DNAH3: variants seen among roughly 807,000 people sequenced by gnomAD.
DNAH3 encodes axonemal beta dynein heavy chain 3.
Under a neutral mutation model 432.5 loss-of-function variants are expected in DNAH3, and 332 were observed. The observed-to-expected ratio is 0.77, with a 90% CI of 0.70 to 0.84. The LOEUF (loss-of-function observed/expected upper bound fraction) is 0.84. Ranked by LOEUF, DNAH3 falls within the 40% of genes least tolerant of loss-of-function variation. The probability of loss-of-function intolerance (pLI) is 0.00; values close to 1 mark genes in which losing one functional copy is unlikely to be tolerated. For synonymous variants in DNAH3, 1,956 were observed against 1,900.2 expected, an observed-to-expected ratio of 1.03 and a Z score of -0.76; for missense variants, 4,861 against 5,114.0, an observed-to-expected ratio of 0.95 and a Z score of 1.51.
chr16:21,040,359 T>G, intron 32 of DNAH3, among the ~76,000 whole-genome samples: 1 of 31,364 alleles, frequency 3.2e-5, no homozygotes, highest in African/African-American at 1.7e-4. Flanking sequence ...GCCAGACAGA[T>G]TTTTTTTTTT....
intron 26 of DNAH3, among the ~76,000 whole-genome samples, chr16:21,059,880 C>T (rs1194542107): frequency 2.6e-5 from 4 of 151,984 alleles, no homozygotes; most frequent in Non-Finnish European, 5.9e-5. Flanking sequence ...TTAAGCCTTA[C>T]GTCATACCTA....
At chr16:21,154,840 C>T (rs1373380040) in intron 1 of DNAH3, among the ~76,000 whole-genome samples, 1 of 152,154 alleles carries the variant, frequency 6.6e-6, no homozygotes, top group Non-Finnish European at 1.5e-5. Flanking sequence ...GTGACTTCCC[C>T]CAGGCCACCT....
rs753347146 is a variant in DNAH3 at position 20,933,499 on chromosome 16, T to TG, written c.12005dup (p.Gln4003ThrfsTer8). The TG allele has an allele frequency of 6.3e-7, 1 of 1,579,176 alleles. No individual in the cohort carries two copies. Among genetic ancestry groups the TG allele is most frequent in the Admixed American group, 1.8e-5 (1 of 55,354 alleles). On this transcript the variant is annotated frameshift_variant, in exon 62 of 62. Coordinates refer to ENST00000261383, the Ensembl canonical transcript of DNAH3. LOFTEE classifies it high-confidence loss of function. ...GGTTATTCTCCATCACTGTTTCTTG[T>TG]GGGGTTACCTGGAAGAATAAAAAGC...
chr16:21,090,919 A>G (rs951353135), intron 18 of DNAH3, among the ~76,000 whole-genome samples: 6 of 152,138 alleles, frequency 3.9e-5, no homozygotes, highest in Non-Finnish European at 7.4e-5. Context: ...TGGGAATCAG[A>G]GGCGGGTGGA....
At chr16:20,962,512 C>T (rs2084872834) in intron 53 of DNAH3, among the ~76,000 whole-genome samples, 1 of 152,194 alleles carries the variant, frequency 6.6e-6, no homozygotes, top group African/African-American at 2.4e-5. Context: ...GGAGAGCCAG[C>T]TCATGCTGAC....
chr16:20,942,203 A>G (rs2083842689), intron 58 of DNAH3, among the ~76,000 whole-genome samples: 1 of 152,194 alleles, frequency 6.6e-6, no homozygotes, highest in Non-Finnish European at 1.5e-5. Flanking sequence ...CCCAGGTGAG[A>G]ATCTCCCACA....
At chr16:20,989,916 G>A (rs1413538112) in intron 44 of DNAH3, among the ~76,000 whole-genome samples, 2 of 152,228 alleles carry the variant, frequency 1.3e-5, no homozygotes, top group Non-Finnish European at 2.9e-5. Context: ...GGGCCGGCAG[G>A]GCCGGCCGGC....
chr16:21,013,362 T>TA (rs950632364), intron 41 of DNAH3, among the ~76,000 whole-genome samples: 69 of 144,238 alleles, frequency 4.8e-4, no homozygotes, highest in South Asian at 1.5e-3. Context: ...TCCCATCTGT[T>TA]AAAAAAAAAA....
rs779171405 is a variant in DNAH3 at position 20,954,850 on chromosome 16, G to A, written c.11034C>T (p.His3678=). The A allele has an allele frequency of 1.8e-5, 29 of 1,613,962 alleles. 1 individual carries two copies. The highest frequency in any genetic ancestry group is 5.5e-5 in the South Asian group (5 of 91,082). ...AGTTTCTTCTCTCTTGAACAACGGCGTGGAAGAAACAAAGGCCAAATAACA... is the reference window on the plus strand; with the variant it reads ...AGTTTCTTCTCTCTTGAACAACGGCATGGAAGAAACAAAGGCCAAATAACA... Residue 3678 remains histidine (H), a synonymous_variant, in exon 55 of 62, where the codon CAC becomes CAT. Transcript: ENST00000261383.
chr16:21,111,958 C>A, intron 13 of DNAH3, 35 bp downstream of exon 13: 1 of 1,578,062 alleles, frequency 6.3e-7, no homozygotes, highest in South Asian at 1.1e-5. Context: ...CAGCACATGT[C>A]ACCAAGGTAT....
At chr16:21,031,918 T>C (rs1236409583) in intron 36 of DNAH3, among the ~76,000 whole-genome samples, 1 of 151,840 alleles carries the variant, frequency 6.6e-6, no homozygotes, top group African/African-American at 2.4e-5. Flanking sequence ...AACCCAGCCA[T>C]TCGCCACTTG....
chr16:21,003,839 CAAA>C (rs1410269242), intron 41 of DNAH3, among the ~76,000 whole-genome samples: 3 of 151,920 alleles, frequency 2.0e-5, no homozygotes, highest in African/African-American at 7.3e-5. Flanking sequence ...ATAAGTTAGT[CAAA>C]ATCCCACATC....
At chr16:21,097,238 T>C in intron 18 of DNAH3, 117 bp downstream of exon 18, 1 of 1,254,420 alleles carries the variant, frequency 8.0e-7, no homozygotes, top group South Asian at 1.3e-5. Flanking sequence ...ATCTGGAGTG[T>C]CAGAATCTGA....
rs534634376 is a variant in DNAH3, at chr16:21,037,251, A to G, written c.4951-403T>C. Among the ~76,000 whole-genome samples the G allele has an allele frequency of 2.0e-5, 3 of 152,276 alleles. No homozygotes were observed. In the South Asian group the frequency reaches 6.2e-4, roughly 32 times the overall value. ...TTGAATCCAGGAGGCAGAGGTTGCA[A>G]TCAGTCGAGATCATGCCACTGCACT... On this transcript the variant is annotated intron_variant, in intron 34 of 61. Coordinates refer to ENST00000261383, the Ensembl canonical transcript of DNAH3.
At chr16:21,062,840 G>C in intron 24 of DNAH3, 157 bp from the exon 25 acceptor site, 1 of 619,766 alleles carries the variant, frequency 1.6e-6, no homozygotes, top group African/African-American at 1.8e-5. Context: ...TTTTCATCTG[G>C]GGCATGGAAG....
rs572753230 is a variant in DNAH3 at position 21,070,335 on chromosome 16, T to G, written c.3201+375A>C. Among the ~76,000 whole-genome samples the G allele has an allele frequency of 2.6e-5, 4 of 152,220 alleles. No individual in the cohort carries two copies. The East Asian group carries it at 7.7e-4, about 29-fold the overall frequency. ...TTCACTCTTGTCGCCCAGGCTGGAGTGCAATGGCGCGATCTCGGCTCACTG... is the reference window on the plus strand; with the variant it reads ...TTCACTCTTGTCGCCCAGGCTGGAGGGCAATGGCGCGATCTCGGCTCACTG... On this transcript the variant is annotated intron_variant, in intron 22 of 61. Coordinates refer to ENST00000261383, the Ensembl canonical transcript of DNAH3.
At chr16:21,018,906 T>C (rs1056277434) in intron 41 of DNAH3, among the ~76,000 whole-genome samples, 2 of 151,652 alleles carry the variant, frequency 1.3e-5, no homozygotes, top group Admixed American at 6.6e-5. Flanking sequence ...AAAAAAAAAT[T>C]ATAATGACAA....
At chr16:21,116,360 C>T (rs2092200115) in intron 12 of DNAH3, among the ~76,000 whole-genome samples, 1 of 152,010 alleles carries the variant, frequency 6.6e-6, no homozygotes, top group African/African-American at 2.4e-5. Flanking sequence ...TACCCTCATG[C>T]TGTTCTCGTG....
Position 20,985,203 on chromosome 16 carries a change from G to A in DNAH3, c.7539C>T (p.Asp2513=), listed in dbSNP as rs139502385. ...CGTCAGCAGGGAAGATGTTAGGCAC[G>A]TCACCTGTGTTCAGAAGCATGTTGA... The change falls in exon 48 of 62, where the codon GAC becomes GAT. Residue 2513 remains aspartate, a synonymous_variant. Coordinates refer to ENST00000261383, the Ensembl canonical transcript of DNAH3. The A allele has an allele frequency of 4.4e-3, 7,156 of 1,614,100 alleles. 22 individuals are homozygous for A. Among genetic ancestry groups the A allele is most frequent in the Non-Finnish European group, 5.3e-3 (6,199 of 1,180,030 alleles).
Sources: gnomAD v4.1 joint callset for allele counts (sites outside exome capture counted in the v4.1 genomes callset) on GRCh38, gnomAD v4.1.1 for gene constraint, MANE v1.5 for transcripts, NCBI Gene and HGNC (gene_info 2026-07-23, HGNC 2026-07-21) for gene names.